PPHLN1: variants seen among roughly 807,000 people sequenced by gnomAD.
PPHLN1 encodes periphilin-1.
A neutral mutation model predicts 51.3 loss-of-function variants in PPHLN1; 29 were observed. The observed-to-expected ratio is 0.57, with a 90% CI of 0.42 to 0.77. The LOEUF (loss-of-function observed/expected upper bound fraction) is 0.77. Ranked by LOEUF, PPHLN1 falls within the 30% of genes least tolerant of loss-of-function variation. PPHLN1 has a pLI of 0.00. For missense variants in PPHLN1, 436 were observed against 438.4 expected (o/e 0.99, Z 0.05); for synonymous variants, 147 against 147.8 (o/e 0.99, Z 0.04).
intron 9 of PPHLN1, among the ~76,000 whole-genome samples, chr12:42,438,008 G>T (rs2082631526): frequency 6.6e-6 from 1 of 151,992 alleles, no homozygotes; most frequent in Non-Finnish European, 1.5e-5. Flanking sequence ...TGGCTTGATA[G>T]CTCATTTCTT....
At chr12:42,351,760 A>G (rs991683385) in intron 2 of PPHLN1, 125 bp from the exon 3 acceptor site, 1 of 639,330 alleles carries the variant, frequency 1.6e-6, no homozygotes, top group African/African-American at 1.9e-5. Context: ...TTATTTCATT[A>G]ACGCTTTTGT....
chr12:42,419,748 G>A (rs1247428632), intron 9 of PPHLN1, among the ~76,000 whole-genome samples: 1 of 152,122 alleles, frequency 6.6e-6, no homozygotes, highest in Non-Finnish European at 1.5e-5. Flanking sequence ...TCCTTTCCAT[G>A]TGGCATATTT....
At chr12:42,443,002 G>A (rs1258710192), downstream of PPHLN1, 2 of 404,502 alleles carry the variant, frequency 4.9e-6, no homozygotes, top group East Asian at 4.6e-5. Flanking sequence ...AATCTTAAAC[G>A]ATATCATGCA....
At chr12:42,390,804 T>TC (rs2077626033) in intron 7 of PPHLN1, among the ~76,000 whole-genome samples, 1 of 150,942 alleles carries the variant, frequency 6.6e-6, no homozygotes. Flanking sequence ...ATTTTTTTTT[T>TC]CACAGACCGT....
At chr12:42,399,809 A>G (rs1796379) in intron 9 of PPHLN1, 40,904 of 152,104 alleles carry the variant, frequency 0.27, 6,988 homozygotes, top group Non-Finnish European at 0.37. Flanking sequence ...GAAATTTGTC[A>G]TGCAAACCAT....
chr12:42,376,987 A>G (rs990892280), intron 5 of PPHLN1, among the ~76,000 whole-genome samples: 3 of 152,038 alleles, frequency 2.0e-5, no homozygotes, highest in African/African-American at 4.8e-5. Context: ...AAGATAAACA[A>G]TCTGTAAGCC....
intron 4 of PPHLN1, among the ~76,000 whole-genome samples, chr12:42,359,814 A>G (rs926070733): frequency 2.0e-5 from 3 of 152,200 alleles, no homozygotes; most frequent in Non-Finnish European, 4.4e-5. Flanking sequence ...ATATTAAAAG[A>G]TTTGAAAAAT....
intron 4 of PPHLN1, among the ~76,000 whole-genome samples, chr12:42,371,242 C>T (rs952571605): frequency 6.7e-6 from 1 of 150,276 alleles, no homozygotes; most frequent in Admixed American, 6.7e-5. Flanking sequence ...GCCTCAGCCC[C>T]CTGAATAGCT....
chr12:42,333,474 T>TTTTTTA (rs1489752535), intron 1 of PPHLN1, among the ~76,000 whole-genome samples: 4 of 151,718 alleles, frequency 2.6e-5, no homozygotes, highest in African/African-American at 9.7e-5. Context: ...TTATTTTTTA[T>TTTTTTA]TTTTTATTTT....
intron 2 of PPHLN1, among the ~76,000 whole-genome samples, chr12:42,350,023 G>A (rs1451751742): frequency 2.0e-5 from 3 of 150,906 alleles, no homozygotes; most frequent in Non-Finnish European, 3.0e-5. Context: ...GGGGGTGGCC[G>A]GGCAGAGGCG....
chr12:42,362,356 T>A (rs987752187), intron 4 of PPHLN1, among the ~76,000 whole-genome samples: 9 of 152,228 alleles, frequency 5.9e-5, no homozygotes, highest in African/African-American at 1.9e-4. Context: ...TATTCTTTGA[T>A]GCACATTTTA....
chr12:42,344,792 T>C (rs1384447545), intron 2 of PPHLN1, among the ~76,000 whole-genome samples: 1 of 146,920 alleles, frequency 6.8e-6, no homozygotes, highest in African/African-American at 2.5e-5. Context: ...CACTGCAACC[T>C]CTGCCTCCCA....
rs188915550 is a variant in PPHLN1, at chr12:42,365,532, C to T, written c.300-9331C>T. 2.2e-3 allele frequency among the ~76,000 whole-genome samples: 328 copies of T among 152,180 alleles called. 1 individual carries two copies. Among genetic ancestry groups the T allele is most frequent in the Non-Finnish European group, 3.4e-3 (231 of 67,992 alleles). ...TACCTGGTTTGACTGATGTGAGGGG[C>T]GGGAATTACCTTGGGGATTTGTATT... On this transcript the variant is annotated intron_variant, in intron 4 of 9. Coordinates refer to ENST00000358314, the MANE Select transcript of PPHLN1 (RefSeq NM_201439.2).
chr12:42,388,357 G>A (rs930900017), intron 7 of PPHLN1, among the ~76,000 whole-genome samples: 1 of 152,186 alleles, frequency 6.6e-6, no homozygotes, highest in East Asian at 1.9e-4. Flanking sequence ...CCACTGAGAT[G>A]TTTGGGCGGA....
chr12:42,384,802 A>AG lies in PPHLN1; in HGVS notation c.512-135dup. The AG allele has an allele frequency of 9.0e-6, 6 of 665,966 alleles. 1 individual carries two copies. Among genetic ancestry groups the AG allele is most frequent in the Non-Finnish European group, 9.9e-6 (4 of 403,708 alleles). The allele number at this position is 665,966 out of a possible 1,614,324, so 41.3% of individuals were successfully genotyped here. Reference sequence around the variant, plus strand: ...TGCTCAGGCAGCCCAACTTGAAAGTAGGGTAGGAAAGAGTTTAGGGCCACC... The same window carrying AG: ...TGCTCAGGCAGCCCAACTTGAAAGTAGGGGTAGGAAAGAGTTTAGGGCCACC... On this transcript the variant is annotated intron_variant, in intron 5 of 9. Coordinates refer to ENST00000358314, the MANE Select transcript of PPHLN1 (RefSeq NM_201439.2).
chr12:42,400,219 A>G (rs1420551219), intron 9 of PPHLN1: 1 of 151,956 alleles, frequency 6.6e-6, no homozygotes, highest in Non-Finnish European at 1.5e-5. Context: ...CTGTAATCCC[A>G]GCACTTTGGG....
chr12:42,444,803 T>C (rs2083209639), downstream of PPHLN1: 2 of 507,626 alleles, frequency 3.9e-6, no homozygotes, highest in East Asian at 3.4e-5. Context: ...CTAGTACTTC[T>C]GTAGTTATTC....
chr12:42,399,374 T>G (rs906561617), intron 9 of PPHLN1: 2 of 868,490 alleles, frequency 2.3e-6, no homozygotes, highest in East Asian at 1.2e-4. Context: ...CATTATACTT[T>G]AAGGTAGTTT....
chr12:42,439,525 T>A (rs996470226), intron 9 of PPHLN1, among the ~76,000 whole-genome samples: 1 of 152,242 alleles, frequency 6.6e-6, no homozygotes, highest in Non-Finnish European at 1.5e-5. Context: ...TTCTTGTTTG[T>A]TTGTTTTGAG....
Sources: allele counts gnomAD v4.1 joint callset (sites outside exome capture counted in the v4.1 genomes callset), GRCh38; gene constraint gnomAD v4.1.1; transcripts MANE v1.5; gene names NCBI Gene and HGNC (gene_info 2026-07-23, HGNC 2026-07-21).